The following ZNF415 variants were observed in gnomAD, a reference collection of about 807,000 sequenced individuals.
ZNF415 encodes zinc finger protein 415.
In ZNF415, 5 loss-of-function variants were observed where a neutral mutation model predicts 7.3. That is an observed-to-expected ratio of 0.69 (90% CI 0.36 to 1.44). ZNF415 has a LOEUF of 1.44. Among genes scored for constraint, ZNF415 ranks in the 40% most tolerant of loss-of-function variants. The probability of loss-of-function intolerance (pLI) is 0.04; values close to 1 mark genes in which losing one functional copy is unlikely to be tolerated. For missense variants in ZNF415, 628 were observed against 664.8 expected, an observed-to-expected ratio of 0.94 and a Z score of 0.61; for synonymous variants, 207 against 226.3, an observed-to-expected ratio of 0.91 and a Z score of 0.77.
chr19:53,120,516 A>G (rs949876105), intron 2 of ZNF415, among the ~76,000 whole-genome samples: 2 of 152,168 alleles, frequency 1.3e-5, no homozygotes, highest in East Asian at 3.8e-4. Flanking sequence ...GTAAGGCTTG[A>G]CAGGAAAAGG....
At chr19:53,112,151 C>T (rs1422390282) in intron 3 of ZNF415, among the ~76,000 whole-genome samples, 2 of 152,106 alleles carry the variant, frequency 1.3e-5, no homozygotes, top group Non-Finnish European at 2.9e-5. Flanking sequence ...ACCATGTTGG[C>T]CAGGCTGGTT....
intron 2 of ZNF415, among the ~76,000 whole-genome samples, chr19:53,119,444 CAAAA>C (rs34688086): frequency 0.035 from 1,218 of 35,076 alleles, 11 homozygotes; most frequent in African/African-American, 0.13. Context: ...GACTCCATCT[CAAAA>C]AAAAAAAAAA....
intron 1 of ZNF415, among the ~76,000 whole-genome samples, chr19:53,125,851 T>C (rs964787748): frequency 6.6e-6 from 1 of 151,790 alleles, no homozygotes; most frequent in South Asian, 2.1e-4. Flanking sequence ...GGCAGGAGAA[T>C]TGCTTGAACC....
chr19:53,130,710 G>A (rs2089956158), intron 1 of ZNF415, among the ~76,000 whole-genome samples: 1 of 151,870 alleles, frequency 6.6e-6, no homozygotes, highest in Non-Finnish European at 1.5e-5. Context: ...CCGGATCTCG[G>A]CTCTTGGCTC....
At chr19:53,125,032 G>A (rs1376590367) in intron 1 of ZNF415, among the ~76,000 whole-genome samples, 3 of 135,396 alleles carry the variant, frequency 2.2e-5, no homozygotes, top group African/African-American at 7.8e-5. Context: ...GTAACTGAAA[G>A]GGTCTGTTTA....
chr19:53,113,584 C>A (rs929568825), intron 3 of ZNF415, among the ~76,000 whole-genome samples: 3 of 150,068 alleles, frequency 2.0e-5, no homozygotes, highest in Non-Finnish European at 4.4e-5. Context: ...CGAAAAAAAA[C>A]CAAGGCATCA....
Position 53,109,072 on chromosome 19 carries a change from C to A in ZNF415, c.973G>T (p.Glu325Ter). 2 of 1,612,458 alleles carry A rather than the reference C, an allele frequency of 1.2e-6. No individual in the cohort carries two copies. Among genetic ancestry groups the A allele is most frequent in the Non-Finnish European group, 1.7e-6 (2 of 1,178,648 alleles). Reference protein sequence around the residue: ...LALHQKTHIGEKPYTCKECGK... With the variant: ...LALHQKTHIG ...CACTCTTTACATGTGTAAGGTTTCTCTCCAATATGAGTTTTCTGATGTAGT... is the reference window on the plus strand; with the variant it reads ...CACTCTTTACATGTGTAAGGTTTCTATCCAATATGAGTTTTCTGATGTAGT... The change falls in exon 4 of 4, where the codon GAG becomes TAG. Residue 325 changes from glutamate (E) to a stop codon, truncating the protein, a stop_gained. Coordinates refer to ENST00000243643, the MANE Select transcript of ZNF415 (RefSeq NM_018355.4). LOFTEE classifies it low-confidence loss of function (END_TRUNC).
At chr19:53,126,516 A>G (rs2089146332) in intron 1 of ZNF415, among the ~76,000 whole-genome samples, 1 of 139,106 alleles carries the variant, frequency 7.2e-6, no homozygotes, top group Non-Finnish European at 1.6e-5. Flanking sequence ...GCAGAACTGC[A>G]GGAAGTGAGA....
intron 2 of ZNF415, among the ~76,000 whole-genome samples, chr19:53,122,170 C>T (rs367715364): frequency 3.3e-5 from 5 of 152,000 alleles, no homozygotes; most frequent in Non-Finnish European, 7.4e-5. Flanking sequence ...CACTTGAACC[C>T]GGGAGGCAGA....
At chr19:53,113,506 C>CAAA (rs1176054018) in intron 3 of ZNF415, among the ~76,000 whole-genome samples, 1 of 62,148 alleles carries the variant, frequency 1.6e-5, no homozygotes, top group Non-Finnish European at 3.6e-5. Flanking sequence ...AACTCCGTCT[C>CAAA]AAAAAAAAAA....
intron 1 of ZNF415, chr19:53,123,771 C>G (rs752584988): frequency 1.3e-5 from 5 of 390,568 alleles, no homozygotes; most frequent in African/African-American, 4.1e-5. Flanking sequence ...ATAATATTTT[C>G]TTTATAAATT....
chr19:53,123,086 G>C (rs984725172), intron 1 of ZNF415, among the ~76,000 whole-genome samples: 1 of 152,142 alleles, frequency 6.6e-6, no homozygotes, highest in Non-Finnish European at 1.5e-5. Flanking sequence ...AGAGGACACA[G>C]AGCCTTGGTG....
In ZNF415 at chr19:53,109,756, C is replaced by G; in HGVS notation, c.289G>C (p.Asp97His). The G allele has an allele frequency of 6.2e-7, 1 of 1,614,042 alleles. No individual in the cohort carries two copies. The highest frequency in any genetic ancestry group is 8.5e-7 in the Non-Finnish European group (1 of 1,179,990). ...REIKKKIHDF[D>H]CQWRDDERNC... ...CTTTCATCATCTCTCCACTGACAGT[C>G]AAAGTCGTGTATTTTTTTCTTGATT... The change falls in exon 4 of 4, where the codon GAC (aspartate) becomes CAC (histidine). Residue 97 changes from aspartate to histidine, a missense_variant. By Grantham distance (81) the Asp-to-His change is moderately conservative. Transcript: ENST00000243643.
intron 3 of ZNF415, among the ~76,000 whole-genome samples, chr19:53,115,027 C>T (rs916020755): frequency 3.9e-5 from 6 of 152,068 alleles, no homozygotes; most frequent in African/African-American, 1.4e-4. Context: ...AACTGAGCAT[C>T]AGGTGGCATC....
In ZNF415 at chr19:53,108,523, G is replaced by A. The variant is rs769707641; in HGVS notation, c.1522C>T (p.Arg508Cys). Reference sequence around the variant, plus strand: ...ATCTGATGTCTAGTGAGGTTTGGGCGCACACTAAAGGATTTGCCACACTCA... The same window carrying A: ...ATCTGATGTCTAGTGAGGTTTGGGCACACACTAAAGGATTTGCCACACTCA... ...CNECGKSFSV[R>C]PNLTRHQIIH... The change falls in exon 4 of 4, where the codon CGC becomes TGC. Residue 508 changes from arginine (R) to cysteine (C), a missense_variant. Arg to Cys is a radical substitution (Grantham distance 180). Coordinates refer to ENST00000243643, the MANE Select transcript of ZNF415 (RefSeq NM_018355.4). The A allele has an allele frequency of 7.7e-5, 125 of 1,613,928 alleles. 1 individual carries two copies. In the Admixed American group the frequency reaches 1.5e-3, roughly 19 times the overall value.
At chr19:53,116,655 G>A (rs1268423095) in intron 2 of ZNF415, among the ~76,000 whole-genome samples, 1 of 137,732 alleles carries the variant, frequency 7.3e-6, no homozygotes, top group Non-Finnish European at 1.5e-5. Context: ...TCGCTCTGCT[G>A]CCCAGGCTGA....
intron 2 of ZNF415, among the ~76,000 whole-genome samples, chr19:53,119,150 T>C (rs11672495): frequency 0.24 from 36,838 of 151,458 alleles, 4,896 homozygotes; most frequent in South Asian, 0.33. Flanking sequence ...GGTGTGGTGG[T>C]GGGCGCCTGT....
chr19:53,116,094 T>C (rs1055953375), intron 3 of ZNF415: 6 of 627,936 alleles, frequency 9.6e-6, no homozygotes, highest in Non-Finnish European at 1.4e-5. Context: ...TCATGGATAC[T>C]TCAGCTCTGG....
At position 53,108,010 on chromosome 19, in the gene ZNF415, A is replaced by T. The variant is rs552841522; in HGVS notation, c.*367T>A. Reference sequence around the variant, plus strand: ...ACAACTAGACTGAATTATTCCTCACATAAATCCTTGGATGTGTTACAGTTT... The same window carrying T: ...ACAACTAGACTGAATTATTCCTCACTTAAATCCTTGGATGTGTTACAGTTT... On this transcript the variant is annotated 3_prime_UTR_variant, in exon 4 of 4. Transcript: ENST00000243643. 1 of 214,228 alleles carries T rather than the reference A, an allele frequency of 4.7e-6. No individual in the cohort carries two copies. The highest frequency in any genetic ancestry group is 9.3e-6 in the Non-Finnish European group (1 of 107,366). The allele number at this position is 214,228 out of a possible 1,614,324, so 13.3% of individuals were successfully genotyped here. A position where few individuals can be genotyped will look rare whatever the true frequency, so the allele number is the denominator to read the frequency against.
Sources: gnomAD v4.1 joint callset for allele counts (sites outside exome capture counted in the v4.1 genomes callset) on GRCh38, gnomAD v4.1.1 for gene constraint, MANE v1.5 for transcripts, NCBI Gene and HGNC (gene_info 2026-07-23, HGNC 2026-07-21) for gene names.